The following ZNF236 variants were observed in gnomAD, a reference collection of about 807,000 sequenced individuals.
ZNF236 encodes the protein regulated by glucose.
Under a neutral mutation model 191.2 loss-of-function variants are expected in ZNF236, and 50 were observed. The observed-to-expected ratio is 0.26, with a 90% CI of 0.21 to 0.33. The LOEUF is 0.33. Among genes scored for constraint, ZNF236 ranks in the 10% least tolerant of loss-of-function variants. The pLI is 1.00. For synonymous variants in ZNF236, 907 were observed against 928.8 expected (o/e 0.98, Z 0.43); for missense variants, 1,754 against 2,374.5 (o/e 0.74, Z 5.43).
intron 25 of ZNF236, chr18:76,936,307 T>C (rs1967996952): frequency 4.4e-6 from 2 of 456,258 alleles, no homozygotes; most frequent in Non-Finnish European, 4.4e-6. Context: ...TGGGATAAAG[T>C]GAGTGTGCGT....
chr18:76,900,715 T>C (rs1599377633), intron 11 of ZNF236, among the ~76,000 whole-genome samples: 1 of 152,166 alleles, frequency 6.6e-6, no homozygotes, highest in Non-Finnish European at 1.5e-5. Flanking sequence ...TTGAGTATTA[T>C]TAGAAAATAA....
chr18:76,848,579 G>A lies in ZNF236; in HGVS notation c.56-947G>A, dbSNP rs915967411. ...AGCACTTTACCTGGGTGGGTTTATA[G>A]AAGCTCTTTGTAAAAATTGAGGATT... On this transcript the variant is annotated intron_variant, in intron 1 of 30. Coordinates refer to ENST00000320610, the MANE Select transcript of ZNF236 (RefSeq NM_001306089.2). 3.3e-5 allele frequency among the ~76,000 whole-genome samples: 5 copies of A among 152,242 alleles called. 1 individual carries two copies. The South Asian group carries it at 8.3e-4, about 25-fold the overall frequency.
intron 1 of ZNF236, among the ~76,000 whole-genome samples, chr18:76,837,002 A>T (rs1161220753): frequency 6.6e-6 from 1 of 151,474 alleles, no homozygotes. Context: ...CAGCCTCTGG[A>T]GTAGCTGGGA....
chr18:76,923,483 G>A (rs1485965214), intron 21 of ZNF236, among the ~76,000 whole-genome samples: 1 of 152,202 alleles, frequency 6.6e-6, no homozygotes, highest in African/African-American at 2.4e-5. Context: ...AGCCAAAGAG[G>A]TTTAGTTTGT....
At chr18:76,942,805 C>T (rs890403691) in intron 26 of ZNF236, among the ~76,000 whole-genome samples, 11 of 150,872 alleles carry the variant, frequency 7.3e-5, no homozygotes, top group Non-Finnish European at 1.5e-4. Context: ...TGAGCCACCA[C>T]GCCCAGCCTA....
At chr18:76,966,998 G>T (rs1202216682) in intron 30 of ZNF236, among the ~76,000 whole-genome samples, 1 of 151,730 alleles carries the variant, frequency 6.6e-6, no homozygotes, top group Non-Finnish European at 1.5e-5. Flanking sequence ...TGGTTTGTTT[G>T]GTTGTTGGAG....
chr18:76,824,943 G>A (rs753532655), intron 1 of ZNF236, among the ~76,000 whole-genome samples: 17 of 152,176 alleles, frequency 1.1e-4, no homozygotes, highest in Non-Finnish European at 2.4e-4. Context: ...TTGTCAGCGT[G>A]GATGAACTTG....
At chr18:76,839,965 C>A (rs1352488437) in intron 1 of ZNF236, among the ~76,000 whole-genome samples, 1 of 152,030 alleles carries the variant, frequency 6.6e-6, no homozygotes, top group Non-Finnish European at 1.5e-5. Context: ...TCAGAAAGGC[C>A]CTGTTACTTT....
intron 2 of ZNF236, among the ~76,000 whole-genome samples, chr18:76,851,187 C>G (rs1275113313): frequency 6.7e-6 from 1 of 149,812 alleles, no homozygotes; most frequent in Non-Finnish European, 1.5e-5. Flanking sequence ...TACACACTTA[C>G]AAACGGCAAA....
At chr18:76,856,203 TTTTTGAGACAGAG>T (rs1240211281) in intron 3 of ZNF236, among the ~76,000 whole-genome samples, 1 of 152,102 alleles carries the variant, frequency 6.6e-6, no homozygotes, top group Non-Finnish European at 1.5e-5. Flanking sequence ...TCTTTTTTTT[TTTTTGAGACAGAG>T]TTTTGCTCTG....
chr18:76,938,890 G>T (rs937545473), intron 26 of ZNF236, among the ~76,000 whole-genome samples: 11 of 152,226 alleles, frequency 7.2e-5, no homozygotes, highest in African/African-American at 2.7e-4. Context: ...TCACTCAGAG[G>T]CATTCCTCCT....
At chr18:76,840,112 T>C (rs754111863) in intron 1 of ZNF236, among the ~76,000 whole-genome samples, 9 of 152,160 alleles carry the variant, frequency 5.9e-5, no homozygotes, top group Non-Finnish European at 1.3e-4. Context: ...TGAATATACA[T>C]TTACCCAAGT....
At chr18:76,929,741 A>G (rs1369832648) in intron 25 of ZNF236, among the ~76,000 whole-genome samples, 1 of 152,240 alleles carries the variant, frequency 6.6e-6, no homozygotes, top group Non-Finnish European at 1.5e-5. Flanking sequence ...GATAATGAGA[A>G]TTGGCTATAC....
intron 1 of ZNF236, among the ~76,000 whole-genome samples, chr18:76,837,821 T>G (rs546010860): frequency 6.6e-6 from 1 of 152,342 alleles, no homozygotes; most frequent in South Asian, 2.1e-4. Context: ...GGCATTCTTG[T>G]TAAAAATCAA....
chr18:76,890,655 C>T (rs960708591), intron 9 of ZNF236, among the ~76,000 whole-genome samples: 3 of 152,008 alleles, frequency 2.0e-5, no homozygotes, highest in Non-Finnish European at 2.9e-5. Context: ...TCTTATTGTA[C>T]GTTTAATTTG....
chr18:76,927,412 A>C lies in ZNF236; in HGVS notation c.4309A>C (p.Ile1437Leu), dbSNP rs147362673. 1.5e-4 allele frequency: 247 copies of C among 1,614,200 alleles called. 1 individual carries two copies. The East Asian group carries it at 3.9e-3, about 26-fold the overall frequency. Residue 1437 changes from isoleucine to leucine, a missense_variant, in exon 24 of 31, where the codon ATC becomes CTC. This residue lies in a region of ZNF236 where 606 missense variants were observed against 761.5 expected (regional missense o/e 0.80). Transcript: ENST00000320610. The surrounding 1 kb of genome is among the most constrained non-coding windows in gnomAD (Gnocchi z 5.4). ...SDSTVPASVVIQPISGLSLQP... is the reference protein window; with the variant it reads ...SDSTVPASVVLQPISGLSLQP... ...CAGCACGGTCCCTGCCAGTGTTGTC[A>C]TCCAGCCCATCTCAGGCCTGTCCTT...
At chr18:76,824,309 C>T (rs767835771) in intron 1 of ZNF236, 2 of 780,944 alleles carry the variant, frequency 2.6e-6, no homozygotes, top group African/African-American at 3.4e-5. Context: ...GTGCACATTA[C>T]GGAAACGTTG....
At chr18:76,839,531 TG>T (rs1975421906) in intron 1 of ZNF236, among the ~76,000 whole-genome samples, 1 of 152,210 alleles carries the variant, frequency 6.6e-6, no homozygotes, top group Non-Finnish European at 1.5e-5. Context: ...TCTTTATCTT[TG>T]GGTGAAGAAT....
intron 1 of ZNF236, among the ~76,000 whole-genome samples, chr18:76,823,109 C>T (rs1383549215): frequency 1.3e-5 from 2 of 151,158 alleles, no homozygotes; most frequent in Non-Finnish European, 3.0e-5. Context: ...CCCCGGGCTC[C>T]TCCCGGACGG....
Sources: allele counts gnomAD v4.1 joint callset (sites outside exome capture counted in the v4.1 genomes callset), GRCh38; gene constraint gnomAD v4.1.1; regional missense constraint gnomAD v4.1.1; non-coding constraint Gnocchi (gnomAD v3.1); transcripts MANE v1.5; gene names NCBI Gene and HGNC (gene_info 2026-07-23, HGNC 2026-07-21).